SNTG1: variants seen among roughly 807,000 people sequenced by gnomAD.
SNTG1 encodes syntrophin gamma 1.
In SNTG1, 39 loss-of-function variants were observed where a neutral mutation model predicts 74.7. That is an observed-to-expected ratio of 0.52 (90% CI 0.40 to 0.68). The LOEUF is 0.68. Ranked by LOEUF, SNTG1 falls within the 30% of genes least tolerant of loss-of-function variation. The probability of loss-of-function intolerance (pLI) is 0.00; values close to 1 mark genes in which losing one functional copy is unlikely to be tolerated. For missense variants in SNTG1, 685 were observed against 609.5 expected, an observed-to-expected ratio of 1.12 and a Z score of -1.30; for synonymous variants, 254 against 217.1, an observed-to-expected ratio of 1.17 and a Z score of -1.49.
upstream of SNTG1, chr8:49,911,325 A>G (rs978849330): frequency 6.6e-6 from 1 of 151,128 alleles, no homozygotes; most frequent in Non-Finnish European, 1.5e-5. Context: ...AAATCTATAT[A>G]TTTTTTCTCT....
intron 2 of SNTG1, among the ~76,000 whole-genome samples, chr8:50,386,393 AC>A (rs1424395372): frequency 6.6e-6 from 1 of 151,946 alleles, no homozygotes; most frequent in Admixed American, 6.6e-5. Context: ...TATTTAGTTC[AC>A]ATTTATTTGC....
At chr8:50,193,822 T>C (rs559720015) in intron 2 of SNTG1, among the ~76,000 whole-genome samples, 1 of 152,270 alleles carries the variant, frequency 6.6e-6, no homozygotes, top group Non-Finnish European at 1.5e-5. Context: ...CTAGATGACC[T>C]TCATTACCTT....
chr8:50,152,547 G>C (rs1217415494), intron 1 of SNTG1, among the ~76,000 whole-genome samples: 5 of 152,170 alleles, frequency 3.3e-5, no homozygotes, highest in African/African-American at 9.7e-5. Flanking sequence ...GCTGGTACCG[G>C]TTGTTCCTTT....
intron 13 of SNTG1, among the ~76,000 whole-genome samples, chr8:50,623,777 T>G (rs1304193292): frequency 3.9e-5 from 6 of 152,038 alleles, no homozygotes; most frequent in African/African-American, 1.4e-4. Flanking sequence ...GTTGGTCTCA[T>G]AATATCAACA....
intron 1 of SNTG1, among the ~76,000 whole-genome samples, chr8:50,083,101 T>A (rs1171136575): frequency 6.6e-6 from 1 of 152,066 alleles, no homozygotes; most frequent in Admixed American, 6.6e-5. Context: ...ACTGAGGGAG[T>A]CCTGGGACTA....
intron 5 of SNTG1, among the ~76,000 whole-genome samples, chr8:50,441,606 TTAAG>T (rs931556411): frequency 1.3e-5 from 2 of 152,170 alleles, no homozygotes; most frequent in Non-Finnish European, 2.9e-5. Flanking sequence ...AAAATATGAC[TTAAG>T]TAAGTCCGAA....
At chr8:50,571,907 A>C (rs1455752482) in intron 12 of SNTG1, among the ~76,000 whole-genome samples, 1 of 152,102 alleles carries the variant, frequency 6.6e-6, no homozygotes, top group Non-Finnish European at 1.5e-5. Flanking sequence ...CCTCATTCTA[A>C]AATGGAGCTT....
At chr8:50,172,527 C>G (rs1174768923) in intron 1 of SNTG1, 34 bp from the exon 2 acceptor site, 1 of 151,148 alleles carries the variant, frequency 6.6e-6, no homozygotes, top group African/African-American at 2.4e-5. Flanking sequence ...TTTGAATGCT[C>G]ATAGGACTTA....
intron 12 of SNTG1, among the ~76,000 whole-genome samples, chr8:50,572,738 T>G (rs1052435024): frequency 2.0e-5 from 3 of 152,166 alleles, no homozygotes; most frequent in African/African-American, 7.2e-5. Flanking sequence ...AGGTGATATA[T>G]GGTCATCTTG....
intron 1 of SNTG1, among the ~76,000 whole-genome samples, chr8:50,023,422 G>A (rs903748858): frequency 2.0e-5 from 3 of 152,104 alleles, no homozygotes; most frequent in Non-Finnish European, 2.9e-5. Flanking sequence ...TTTAAAAGAA[G>A]TCAACTGGCA....
chr8:50,040,282 C>T (rs937109696), intron 1 of SNTG1, among the ~76,000 whole-genome samples: 1 of 152,084 alleles, frequency 6.6e-6, no homozygotes, highest in Non-Finnish European at 1.5e-5. Flanking sequence ...CTGCATTTAA[C>T]TCCATATCTT....
At chr8:50,101,547 CTTATT>C (rs761422558) in intron 1 of SNTG1, among the ~76,000 whole-genome samples, 3 of 151,556 alleles carry the variant, frequency 2.0e-5, no homozygotes, top group South Asian at 2.1e-4. Context: ...AGTATATTTT[CTTATT>C]TTATTTTATT....
At chr8:49,964,310 C>T (rs1344252928) in intron 1 of SNTG1, among the ~76,000 whole-genome samples, 1 of 152,210 alleles carries the variant, frequency 6.6e-6, no homozygotes, top group African/African-American at 2.4e-5. Context: ...GCTTGAGCTG[C>T]AGTGTCATCT....
intron 12 of SNTG1, among the ~76,000 whole-genome samples, chr8:50,566,965 A>G (rs531372203): frequency 7.0e-4 from 106 of 152,128 alleles, no homozygotes; most frequent in South Asian, 2.9e-3. Flanking sequence ...TCTTCTTTCC[A>G]GTTGAATTCT....
At chr8:50,392,875 G>T (rs893095984) in intron 2 of SNTG1, among the ~76,000 whole-genome samples, 1 of 152,062 alleles carries the variant, frequency 6.6e-6, no homozygotes, top group Non-Finnish European at 1.5e-5. Context: ...CAAATATGAG[G>T]TTATATTTAG....
chr8:50,634,808 C>T (rs1399921093), intron 13 of SNTG1, among the ~76,000 whole-genome samples: 4 of 152,136 alleles, frequency 2.6e-5, no homozygotes, highest in Admixed American at 2.0e-4. Context: ...ACCCTAATAC[C>T]TTCTGTTGCC....
chr8:50,538,990 G>A (rs1012374282), intron 11 of SNTG1, among the ~76,000 whole-genome samples: 3 of 151,474 alleles, frequency 2.0e-5, no homozygotes, highest in Admixed American at 1.3e-4. Flanking sequence ...ATTTTTTGTC[G>A]ATTTATTTTT....
rs994775817 is a variant in SNTG1 at position 50,794,637 on chromosome 8, T to C, written c.*1808T>C. ...TTCAGTAGTAGGCCACTTCTGAACTTATGGAGAAAAAGCAGTGGGATACAT... is the reference window on the plus strand; with the variant it reads ...TTCAGTAGTAGGCCACTTCTGAACTCATGGAGAAAAAGCAGTGGGATACAT... On this transcript the variant is annotated 3_prime_UTR_variant, in exon 19 of 19. Transcript: ENST00000642720. The C allele has an allele frequency of 1.3e-5, 2 of 151,978 alleles. No individual in the cohort carries two copies. The highest frequency in any genetic ancestry group is 4.8e-5 in the African/African-American group (2 of 41,402). The allele number at this position is 151,978 out of a possible 1,614,324, so 9.4% of individuals were successfully genotyped here.
At chr8:50,528,307 A>C (rs2094238724) in intron 9 of SNTG1, among the ~76,000 whole-genome samples, 1 of 152,000 alleles carries the variant, frequency 6.6e-6, no homozygotes, top group South Asian at 2.1e-4. Flanking sequence ...ATAGAGGAGC[A>C]CATCTATTCC....
Sources: allele counts gnomAD v4.1 joint callset (sites outside exome capture counted in the v4.1 genomes callset), GRCh38; gene constraint gnomAD v4.1.1; transcripts MANE v1.5; gene names NCBI Gene and HGNC (gene_info 2026-07-23, HGNC 2026-07-21).